Variants in GAB1 observed in about 807,000 individuals in gnomAD.
GAB1 encodes the protein GRB2 associated binding protein 1.
GAB1 carries 19 observed loss-of-function variants against 66.5 expected under a neutral mutation model. The ratio of observed to expected loss-of-function variants is 0.29; its 90% CI spans 0.20 to 0.42. GAB1 has a LOEUF of 0.42. Ranked by LOEUF, GAB1 falls within the 10% of genes least tolerant of loss-of-function variation. The pLI, the probability that GAB1 is intolerant of heterozygous loss-of-function variation, is 1.00. For missense variants in GAB1, 732 were observed against 858.5 expected, an observed-to-expected ratio of 0.85 and a Z score of 1.84; for synonymous variants, 294 against 301.4, an observed-to-expected ratio of 0.98 and a Z score of 0.25.
intron 1 of GAB1, among the ~76,000 whole-genome samples, chr4:143,392,463 A>G (rs1437384449): frequency 6.6e-6 from 1 of 152,184 alleles, no homozygotes. Context: ...TTTGATTTTT[A>G]AAAGACAATT....
At chr4:143,382,689 A>C (rs1730707173) in intron 1 of GAB1, among the ~76,000 whole-genome samples, 1 of 152,188 alleles carries the variant, frequency 6.6e-6, no homozygotes, top group Non-Finnish European at 1.5e-5. Flanking sequence ...TGTCAGAGAA[A>C]GTCTGAGAAA....
chr4:143,360,851 GA>G (rs1319424631), intron 1 of GAB1, among the ~76,000 whole-genome samples: 1 of 152,164 alleles, frequency 6.6e-6, no homozygotes, highest in Non-Finnish European at 1.5e-5. Flanking sequence ...TTGACTAGGG[GA>G]AATCAAATGC....
At position 143,425,438 on chromosome 4, in the gene GAB1, CCT is replaced by C; in HGVS notation, c.368-8049_368-8048del. The stretch of plus-strand genomic sequence containing the variant: ...TACTGACCCCAGGGCTGAAGACCAG[CCT>C]CTCATAGAGAGAGGCATCTTATGTT... On this transcript the variant is annotated intron_variant, in intron 2 of 9. Coordinates refer to ENST00000262994, the MANE Select transcript of GAB1 (RefSeq NM_002039.4). 3.9e-6 allele frequency: 3 copies of C among 759,678 alleles called. No individual in the cohort carries two copies. The African/African-American group carries it at 5.1e-5, about 13-fold the overall frequency. The allele number at this position is 759,678 out of a possible 1,614,324, so 47.1% of individuals were successfully genotyped here.
intron 9 of GAB1, among the ~76,000 whole-genome samples, chr4:143,466,480 CTTTTTTTTTTTTT>C (rs776557170): frequency 1.5e-5 from 1 of 67,262 alleles, no homozygotes; most frequent in Non-Finnish European, 2.8e-5. Context: ...TTAACAAATT[CTTTTTTTTTTTTT>C]TTTTTTTTTT....
intron 1 of GAB1, among the ~76,000 whole-genome samples, chr4:143,356,887 T>C (rs1429302185): frequency 1.3e-5 from 2 of 152,180 alleles, no homozygotes; most frequent in African/African-American, 4.8e-5. Flanking sequence ...ATGATGCTAT[T>C]TAGAATACTT....
At chr4:143,413,983 A>G (rs1002889947) in intron 1 of GAB1, among the ~76,000 whole-genome samples, 3 of 151,536 alleles carry the variant, frequency 2.0e-5, no homozygotes, top group African/African-American at 7.3e-5. Context: ...CACCACACCC[A>G]GCTAATTTTT....
intron 1 of GAB1, among the ~76,000 whole-genome samples, chr4:143,387,666 C>T (rs1324686574): frequency 6.6e-6 from 1 of 152,188 alleles, no homozygotes; most frequent in African/African-American, 2.4e-5. Context: ...CTCTTTCCTC[C>T]CATTGACTTC....
chr4:143,390,404 G>A (rs937967809), intron 1 of GAB1, among the ~76,000 whole-genome samples: 1 of 151,552 alleles, frequency 6.6e-6, no homozygotes, highest in Non-Finnish European at 1.5e-5. Flanking sequence ...AAAGTAATAA[G>A]TAGGGTTTTT....
intron 1 of GAB1, among the ~76,000 whole-genome samples, chr4:143,381,707 A>C (rs930708850): frequency 6.6e-6 from 1 of 152,150 alleles, no homozygotes; most frequent in Non-Finnish European, 1.5e-5. Flanking sequence ...ACCGTTTTTT[A>C]AAATCGTGTG....
At chr4:143,460,343 G>C in intron 7 of GAB1, 21 bp from the exon 8 acceptor site, 1 of 1,612,460 alleles carries the variant, frequency 6.2e-7, no homozygotes, top group Non-Finnish European at 8.5e-7. Flanking sequence ...TTATGTTTGT[G>C]ATGATAATTT....
chr4:143,369,243 T>C (rs1730016043), intron 1 of GAB1, among the ~76,000 whole-genome samples: 1 of 151,870 alleles, frequency 6.6e-6, no homozygotes, highest in Non-Finnish European at 1.5e-5. Context: ...ACCCGGCCAT[T>C]TTTTTGTATT....
chr4:143,361,750 C>T (rs1029819732), intron 1 of GAB1, among the ~76,000 whole-genome samples: 2 of 152,090 alleles, frequency 1.3e-5, no homozygotes, highest in African/African-American at 4.8e-5. Flanking sequence ...ACCTCTGGCC[C>T]AGGTTTCTGT....
intron 1 of GAB1, among the ~76,000 whole-genome samples, chr4:143,373,288 T>C (rs993760768): frequency 3.9e-5 from 6 of 152,222 alleles, no homozygotes; most frequent in Non-Finnish European, 8.8e-5. Flanking sequence ...AACAAGCATA[T>C]TCTCAAACTT....
intron 2 of GAB1, among the ~76,000 whole-genome samples, chr4:143,422,131 A>G (rs1733064080): frequency 6.6e-6 from 1 of 152,180 alleles, no homozygotes; most frequent in African/African-American, 2.4e-5. Flanking sequence ...AGAGTAAGAA[A>G]ATGGTATGTT....
At position 143,439,825 on chromosome 4, in the gene GAB1, G is replaced by A. The variant is rs1357975458; in HGVS notation, c.1219G>A (p.Asp407Asn). Residue 407 changes from aspartate (D) to asparagine (N), a missense_variant, in exon 5 of 10, where the codon GAT (aspartate) becomes AAT (asparagine). Physicochemically the swap from Asp to Asn is conservative, Grantham distance 23. Transcript: ENST00000262994. ...AGATGCTAGTTCTCAAGACTGCTAT[G>A]ATATTCCACGAGCATTTCCAAGTGA... The part of the protein sequence containing the change: ...RKDASSQDCY[D>N]IPRAFPSDRS... 3 of 1,613,000 alleles carry A rather than the reference G, an allele frequency of 1.9e-6. 1 individual carries two copies. The South Asian group carries it at 3.3e-5, about 18-fold the overall frequency.
In GAB1 at chr4:143,433,949, T is replaced by A; in HGVS notation, c.593+233T>A. The A allele has an allele frequency of 1.6e-5, 10 of 633,602 alleles. No individual in the cohort carries two copies. In the South Asian group the frequency reaches 2.0e-4, roughly 13 times the overall value. The allele number at this position is 633,602 out of a possible 1,614,324, so 39.2% of individuals were successfully genotyped here. ...CTCTGCCATCTTTGGCAAAGAGCAG[T>A]TTTCCCTACAAGGCTCTTTTGGAAA... On this transcript the variant is annotated intron_variant, in intron 3 of 9. Transcript: ENST00000262994.
chr4:143,438,993 G>A (rs1393238015), intron 4 of GAB1, among the ~76,000 whole-genome samples: 1 of 152,160 alleles, frequency 6.6e-6, no homozygotes, highest in Non-Finnish European at 1.5e-5. Flanking sequence ...AGTCACATCT[G>A]TTGGGCTCTA....
intron 1 of GAB1, among the ~76,000 whole-genome samples, chr4:143,373,821 C>A (rs993973505): frequency 1.9e-4 from 21 of 110,358 alleles, no homozygotes; most frequent in Non-Finnish European, 3.2e-4. Flanking sequence ...GGGAGTGAAA[C>A]CCTCTCTCTC....
intron 1 of GAB1, chr4:143,381,996 A>G (rs760695722): frequency 1.3e-5 from 2 of 152,250 alleles, no homozygotes; most frequent in Non-Finnish European, 2.9e-5. Flanking sequence ...TCAGAGGTAC[A>G]GAGAAGCTGC....
Sources: gnomAD v4.1 joint callset for allele counts (sites outside exome capture counted in the v4.1 genomes callset) on GRCh38, gnomAD v4.1.1 for gene constraint, MANE v1.5 for transcripts, NCBI Gene and HGNC (gene_info 2026-07-23, HGNC 2026-07-21) for gene names.